The following NAV1 variants were observed in gnomAD, a reference collection of about 807,000 sequenced individuals.
NAV1 encodes neuron navigator 1.
Under a neutral mutation model 175.2 loss-of-function variants are expected in NAV1, and 18 were observed. The ratio of observed to expected loss-of-function variants is 0.10; its 90% CI spans 0.07 to 0.15. The LOEUF (loss-of-function observed/expected upper bound fraction) is 0.15. Among genes scored for constraint, NAV1 ranks in the 10% least tolerant of loss-of-function variants. The probability of loss-of-function intolerance (pLI) is 1.00; values close to 1 mark genes in which losing one functional copy is unlikely to be tolerated. For synonymous variants in NAV1, 897 were observed against 978.7 expected (o/e 0.92, Z 1.56); for missense variants, 1,731 against 2,436.6 (o/e 0.71, Z 6.10).
At chr1:201,772,400 G>A (rs1377773612) in intron 3 of NAV1, among the ~76,000 whole-genome samples, 7 of 152,188 alleles carry the variant, frequency 4.6e-5, no homozygotes, top group Non-Finnish European at 8.8e-5. Flanking sequence ...TGTGAGGACC[G>A]GCTCCTCATG....
chr1:201,740,979 C>A lies in NAV1; in HGVS notation c.1226+22224C>A, dbSNP rs1020063200. On this transcript the variant is annotated intron_variant, in intron 3 of 29. Transcript: ENST00000367296. This position sits in a 1 kb window ranked among gnomAD's most constrained non-coding sequence, Gnocchi z 4.7. ...CTCACCCCATATACACTCTCCTTCC[C>A]CTCAGCCTCCCGCAGACCTGGGAAG... Among the ~76,000 whole-genome samples the A allele has an allele frequency of 3.3e-5, 5 of 152,094 alleles. No individual in the cohort carries two copies. Among genetic ancestry groups the A allele is most frequent in the Non-Finnish European group, 5.9e-5 (4 of 68,004 alleles).
chr1:201,747,968 A>G (rs904672269), intron 3 of NAV1, among the ~76,000 whole-genome samples: 31 of 152,182 alleles, frequency 2.0e-4, no homozygotes, highest in Admixed American at 1.2e-3. Flanking sequence ...TGGGTCCCCA[A>G]TATATGGGAT....
At chr1:201,756,809 CTTCTTTCTTTCTTTCTTTCTTTCTTTCT>C (rs534285799) in intron 3 of NAV1, among the ~76,000 whole-genome samples, 2 of 26,940 alleles carry the variant, frequency 7.4e-5, no homozygotes, top group African/African-American at 1.7e-4. Context: ...TCTTTCTTTC[CTTCTTTCTTTCTTTCTTTCTTTCTTTCT>C]TTCTTTCTTT....
chr1:201,771,564 G>A (rs1027351502), intron 3 of NAV1, among the ~76,000 whole-genome samples: 7 of 150,056 alleles, frequency 4.7e-5, no homozygotes, highest in Admixed American at 2.7e-4. Context: ...CTGGCTCTAT[G>A]ACAGGCTAGA....
exon 1 of NAV1, chr1:201,649,306 G>A: frequency 2.5e-6 from 4 of 1,612,940 alleles, no homozygotes; most frequent in Non-Finnish European, 3.4e-6. Context: ...GCGCAAAAGA[G>A]CTCTGGGCCT....
At chr1:201,659,978 G>A (rs916734633) in intron 1 of NAV1, among the ~76,000 whole-genome samples, 1 of 152,166 alleles carries the variant, frequency 6.6e-6, no homozygotes, top group Admixed American at 6.5e-5. Flanking sequence ...TGGTTTTGCC[G>A]TGGAGTCCAG....
At chr1:201,749,878 G>C (rs1673997742) in intron 3 of NAV1, among the ~76,000 whole-genome samples, 1 of 152,092 alleles carries the variant, frequency 6.6e-6, no homozygotes, top group African/African-American at 2.4e-5. Flanking sequence ...CACTCCAGCT[G>C]AGCAACAGAG....
At chr1:201,762,052 C>T (rs771323993) in intron 3 of NAV1, among the ~76,000 whole-genome samples, 16 of 152,140 alleles carry the variant, frequency 1.1e-4, no homozygotes, top group Non-Finnish European at 1.6e-4. Flanking sequence ...CCCACCTACT[C>T]AGGAAGCTGA....
At chr1:201,710,378 T>C (rs1671855382) in intron 1 of NAV1, among the ~76,000 whole-genome samples, 1 of 150,472 alleles carries the variant, frequency 6.6e-6, no homozygotes, top group Admixed American at 6.6e-5. Context: ...CATTGAACTC[T>C]TGGGCTCAAG....
At chr1:201,756,829 TTTCTTTCTTTCTTTC>T (rs1558131550) in intron 3 of NAV1, among the ~76,000 whole-genome samples, 3 of 21,894 alleles carry the variant, frequency 1.4e-4, no homozygotes, top group African/African-American at 1.7e-4. Context: ...TCTTTCTTTC[TTTCTTTCTTTCTTTC>T]TTTCTTTCTT....
Position 201,752,046 on chromosome 1 carries a change from CT to C in NAV1, c.1227-28372del, listed in dbSNP as rs1674142112. On this transcript the variant is annotated intron_variant, in intron 3 of 29. Transcript: ENST00000367296. ...GCTGGGTTTTCTCTCCAGTGCTGAC[CT>C]TTGACCTCCATGCACAATGTGGTAT... Among the ~76,000 whole-genome samples the C allele has an allele frequency of 1.3e-5, 2 of 152,162 alleles. 1 individual carries two copies. The highest frequency in any genetic ancestry group is 4.1e-4 in the South Asian group (2 of 4,820).
chr1:201,757,850 G>C (rs1481890777), intron 3 of NAV1, among the ~76,000 whole-genome samples: 1 of 152,216 alleles, frequency 6.6e-6, no homozygotes, highest in East Asian at 1.9e-4. Context: ...TTGCTACCTG[G>C]CCAGCCTAGT....
chr1:201,590,040 G>A (rs991714829), intron 2 of NAV1, among the ~76,000 whole-genome samples: 7 of 152,086 alleles, frequency 4.6e-5, no homozygotes, highest in South Asian at 2.1e-4. Context: ...TTACAGGTGC[G>A]CACCATCATA....
At chr1:201,804,380 A>G in intron 16 of NAV1, 109 bp from the exon 21 acceptor site, 1 of 1,139,144 alleles carries the variant, frequency 8.8e-7, no homozygotes. Flanking sequence ...ACACCCCCAG[A>G]CCTTTGTATA....
In NAV1 at chr1:201,813,690, A is replaced by G. The variant is rs1678835195; in HGVS notation, c.5340+432A>G. Among the ~76,000 whole-genome samples the G allele has an allele frequency of 6.6e-6, 1 of 151,368 alleles. No homozygotes were observed. The highest frequency in any genetic ancestry group is 6.6e-5 in the Admixed American group (1 of 15,250). On this transcript the variant is annotated intron_variant, in intron 28 of 29. Transcript: ENST00000367296. The surrounding 1 kb of genome is among the most constrained non-coding windows in gnomAD (Gnocchi z 4.2). Reference sequence around the variant, plus strand: ...TCATATGTAAAAAAAAAAAGGAGACATCACCTTCTGCTCTACCTAAATCAC... The same window carrying G: ...TCATATGTAAAAAAAAAAAGGAGACGTCACCTTCTGCTCTACCTAAATCAC...
At chr1:201,574,724 G>T (rs886454097) in intron 1 of NAV1, among the ~76,000 whole-genome samples, 5 of 152,176 alleles carry the variant, frequency 3.3e-5, no homozygotes, top group Non-Finnish European at 7.4e-5. Context: ...CCAGAAACTA[G>T]CTGGAGCCAC....
intron 1 of NAV1, among the ~76,000 whole-genome samples, chr1:201,586,023 T>C (rs1667016875): frequency 1.3e-5 from 2 of 152,194 alleles, no homozygotes. Flanking sequence ...TACACTCATG[T>C]TCATGGCAAC....
intron 2 of NAV1, among the ~76,000 whole-genome samples, chr1:201,610,525 G>A (rs1000243979): frequency 7.2e-5 from 11 of 152,224 alleles, no homozygotes; most frequent in Non-Finnish European, 1.3e-4. Flanking sequence ...AGATTCTGAG[G>A]GAGGTGTTGG....
intron 2 of NAV1, among the ~76,000 whole-genome samples, chr1:201,629,789 G>T (rs12124494): frequency 4.6e-5 from 7 of 152,170 alleles, no homozygotes; most frequent in African/African-American, 1.7e-4. Flanking sequence ...TGACACAAAG[G>T]TAACAAGCTG....
Sources: gnomAD v4.1 joint callset for allele counts (sites outside exome capture counted in the v4.1 genomes callset) on GRCh38, gnomAD v4.1.1 for gene constraint, Gnocchi (gnomAD v3.1) non-coding constraint, MANE v1.5 for transcripts, NCBI Gene and HGNC (gene_info 2026-07-23, HGNC 2026-07-21) for gene names.